The following SCAF8 variants were observed in gnomAD, a reference collection of about 807,000 sequenced individuals.
SCAF8 encodes the protein SR-related and CTD-associated factor 8.
Under a neutral mutation model 140.5 loss-of-function variants are expected in SCAF8, and 23 were observed. The observed-to-expected ratio is 0.16, with a 90% CI of 0.12 to 0.23. The LOEUF (loss-of-function observed/expected upper bound fraction) is 0.23. SCAF8 is among the 10% of genes least tolerant of loss of function. SCAF8 has a pLI of 1.00. For synonymous variants in SCAF8, 575 were observed against 528.9 expected, an observed-to-expected ratio of 1.09 and a Z score of -1.20; for missense variants, 1,397 against 1,555.7, an observed-to-expected ratio of 0.90 and a Z score of 1.72.
intron 12 of SCAF8, among the ~76,000 whole-genome samples, chr6:154,810,962 C>T (rs1778072067): frequency 6.6e-6 from 1 of 152,130 alleles, no homozygotes; most frequent in Non-Finnish European, 1.5e-5. Flanking sequence ...TTCCCTCTGC[C>T]AGGGAGTTAG....
intron 14 of SCAF8, 67 bp downstream of exon 14, chr6:154,818,659 C>CT: frequency 1.5e-6 from 1 of 688,720 alleles, no homozygotes; most frequent in Non-Finnish European, 2.5e-6. Context: ...ATGTTAAAGT[C>CT]TGAGTTTTTC....
intron 1 of SCAF8, among the ~76,000 whole-genome samples, chr6:154,761,281 G>C (rs1396164284): frequency 6.6e-6 from 1 of 152,140 alleles, no homozygotes; most frequent in Non-Finnish European, 1.5e-5. Context: ...GAGGTTGGGA[G>C]TTCGAGACCG....
chr6:154,733,994 G>C, intron 1 of SCAF8, 64 bp downstream of exon 1: 1 of 1,453,552 alleles, frequency 6.9e-7, no homozygotes, highest in Non-Finnish European at 9.1e-7. Context: ...GTCGAGGCCG[G>C]GGCCCGGAGG....
Position 154,810,158 on chromosome 6 carries a change from A to G in SCAF8, c.1370A>G (p.Lys457Arg), listed in dbSNP as rs994012869. The part of the protein sequence containing the change: ...SSERRARERE[K>R]ERQKKGLPPI... ...GAAAGGAGAGCCAGAGAAAGGGAGA[A>G]AGAACGACAGAAAAAGGGATTACCT... The change falls in exon 12 of 20, where the codon AAA (lysine) becomes AGA (arginine). Residue 457 changes from lysine (K) to arginine (R), a missense_variant. Physicochemically the swap from Lys to Arg is conservative, Grantham distance 26 (BLOSUM62 2). Transcript: ENST00000367178. 4.3e-6 allele frequency: 7 copies of G among 1,613,468 alleles called. No individual in the cohort carries two copies. The highest frequency in any genetic ancestry group is 5.9e-6 in the Non-Finnish European group (7 of 1,179,818).
chr6:154,763,709 T>G (rs1776469305), intron 1 of SCAF8, among the ~76,000 whole-genome samples: 1 of 151,906 alleles, frequency 6.6e-6, no homozygotes, highest in South Asian at 2.1e-4. Context: ...GACATAAATA[T>G]GCTCTCCAGG....
chr6:154,779,904 C>G (rs1777035913), intron 3 of SCAF8, among the ~76,000 whole-genome samples: 1 of 151,946 alleles, frequency 6.6e-6, no homozygotes, highest in South Asian at 2.1e-4. Flanking sequence ...TCAGTTTCCC[C>G]CTGTGGTAAC....
At chr6:154,745,940 C>T (rs1430369253) in intron 1 of SCAF8, among the ~76,000 whole-genome samples, 1 of 152,136 alleles carries the variant, frequency 6.6e-6, no homozygotes, top group Non-Finnish European at 1.5e-5. Flanking sequence ...GGCTAGAGTG[C>T]AGTGGCTTGA....
In SCAF8 at chr6:154,733,868, C is replaced by A. The variant is rs1282088176; in HGVS notation, c.-33C>A. 1 of 1,544,258 alleles carries A rather than the reference C, an allele frequency of 6.5e-7. No homozygotes were observed. Among genetic ancestry groups the A allele is most frequent in the Non-Finnish European group, 8.7e-7 (1 of 1,150,686 alleles). ...CCAGTGCAGTGGCCGCCGCCTCTTC[C>A]GCCGCCGGGCTCGGGGCCTCCGCAG... On this transcript the variant is annotated 5_prime_UTR_variant, in exon 1 of 20. Coordinates refer to ENST00000367178, the MANE Select transcript of SCAF8 (RefSeq NM_014892.5).
intron 1 of SCAF8, among the ~76,000 whole-genome samples, chr6:154,744,755 T>C (rs1778655185): frequency 6.6e-6 from 1 of 152,248 alleles, no homozygotes; most frequent in Non-Finnish European, 1.5e-5. Context: ...CCTCATTCTT[T>C]TTATAACTTC....
chr6:154,820,372 A>G (rs1414578008), intron 15 of SCAF8, 39 bp downstream of exon 15: 15 of 1,545,516 alleles, frequency 9.7e-6, no homozygotes, highest in East Asian at 2.3e-5. Flanking sequence ...AAAAAAAAGT[A>G]TGCTTAGAAG....
chr6:154,776,297 GTATATATATA>G (rs763251453), intron 2 of SCAF8, among the ~76,000 whole-genome samples: 1 of 43,214 alleles, frequency 2.3e-5, no homozygotes, highest in Non-Finnish European at 4.2e-5. Flanking sequence ...GTGTATATAT[GTATATATATA>G]TATGTATATA....
At chr6:154,807,937 A>T in intron 9 of SCAF8, 133 bp from the exon 10 acceptor site, 3 of 721,426 alleles carry the variant, frequency 4.2e-6, no homozygotes, top group Non-Finnish European at 6.4e-6. Context: ...TTTATAAATG[A>T]TTTAACATGG....
At chr6:154,745,379 T>G (rs942725487) in intron 1 of SCAF8, among the ~76,000 whole-genome samples, 1 of 151,836 alleles carries the variant, frequency 6.6e-6, no homozygotes, top group East Asian at 1.9e-4. Flanking sequence ...TTGTTTATTA[T>G]TTTTTTTTAA....
At chr6:154,744,564 A>G (rs993676671) in intron 1 of SCAF8, among the ~76,000 whole-genome samples, 2 of 152,182 alleles carry the variant, frequency 1.3e-5, no homozygotes, top group East Asian at 1.9e-4. Context: ...CTGAGGCCCA[A>G]CAGTTGTGAT....
At chr6:154,824,481 G>A in intron 17 of SCAF8, 103 bp downstream of exon 17, 2 of 1,044,078 alleles carry the variant, frequency 1.9e-6, no homozygotes, top group Admixed American at 2.1e-5. Context: ...TGAGACCTTA[G>A]CATGCATAGC....
rs777208463 is a variant in SCAF8 at position 154,820,257 on chromosome 6, A to G, written c.1716A>G (p.Pro572=). 6 of 1,612,290 alleles carry G rather than the reference A, an allele frequency of 3.7e-6. No individual in the cohort carries two copies. The Admixed American group carries it at 6.7e-5, about 18-fold the overall frequency. Residue 572 remains proline, a synonymous_variant, in exon 15 of 20, where the codon CCA becomes CCG. Coordinates refer to ENST00000367178, the MANE Select transcript of SCAF8 (RefSeq NM_014892.5). ...TGGATCTTGGAGTTACATATATACC[A>G]TGGGAAAAAGTTAAAGTGGATGACT... The part of the protein sequence containing the change: ...WDVDLGVTYI[P]WEKVKVDDLE...
chr6:154,752,078 A>G (rs1453408962), intron 1 of SCAF8, among the ~76,000 whole-genome samples: 1 of 152,198 alleles, frequency 6.6e-6, no homozygotes, highest in Non-Finnish European at 1.5e-5. Flanking sequence ...TAATTTTCAC[A>G]TTTGAACAAT....
chr6:154,750,149 A>G (rs1399216757), intron 1 of SCAF8, among the ~76,000 whole-genome samples: 2 of 152,106 alleles, frequency 1.3e-5, no homozygotes, highest in East Asian at 3.8e-4. Context: ...TTTTCTCACC[A>G]AGAATAAAAG....
chr6:154,828,178 C>T (rs1055535571), intron 18 of SCAF8, among the ~76,000 whole-genome samples: 5 of 152,178 alleles, frequency 3.3e-5, no homozygotes, highest in African/African-American at 1.2e-4. Flanking sequence ...CTTAGATCTA[C>T]TTTTTATTAG....
Sources: gnomAD v4.1 joint callset for allele counts (sites outside exome capture counted in the v4.1 genomes callset) on GRCh38, gnomAD v4.1.1 for gene constraint, MANE v1.5 for transcripts, NCBI Gene and HGNC (gene_info 2026-07-23, HGNC 2026-07-21) for gene names.